The following KCNN3 variants were observed in gnomAD, a reference collection of about 807,000 sequenced individuals.
KCNN3 encodes potassium calcium-activated channel subfamily N member 3.
Under a neutral mutation model 62.9 loss-of-function variants are expected in KCNN3, and 16 were observed. That is an observed-to-expected ratio of 0.25 (90% CI 0.17 to 0.39). KCNN3 has a LOEUF of 0.39. KCNN3 is among the 10% of genes least tolerant of loss of function. The pLI is 1.00. For synonymous variants in KCNN3, 370 were observed against 389.2 expected (o/e 0.95, Z 0.58); for missense variants, 599 against 949.4 (o/e 0.63, Z 4.85).
intron 2 of KCNN3, among the ~76,000 whole-genome samples, chr1:154,773,271 G>A (rs1342532614): frequency 2.6e-5 from 4 of 152,220 alleles, no homozygotes; most frequent in African/African-American, 9.7e-5. Context: ...CGTGCCCAGA[G>A]AGGGCATGGA....
At chr1:154,723,573 G>A (rs1256532721) in intron 5 of KCNN3, among the ~76,000 whole-genome samples, 1 of 152,154 alleles carries the variant, frequency 6.6e-6, no homozygotes, top group Non-Finnish European at 1.5e-5. Context: ...CAAAGGAGCT[G>A]GCTTTCCTCA....
chr1:154,783,486 C>T (rs1469533397), intron 2 of KCNN3, among the ~76,000 whole-genome samples: 1 of 118,382 alleles, frequency 8.4e-6, no homozygotes, highest in Non-Finnish European at 1.8e-5. Flanking sequence ...GTGAACAGGC[C>T]TCTATGGAGA....
chr1:154,733,163 G>A lies in KCNN3; in HGVS notation c.1449-19C>T, dbSNP rs371211331. The A allele has an allele frequency of 1.2e-4, 194 of 1,614,112 alleles. 1 individual carries two copies. In the African/African-American group the frequency reaches 2.3e-3, roughly 19 times the overall value. On this transcript the variant is annotated intron_variant, in intron 3 of 7. Coordinates refer to ENST00000271915, the MANE Select transcript of KCNN3 (RefSeq NM_002249.6). ...ATGGTACCTGCCAATGGGAAGACAGGAGTTAGTCGATGAACAGCCATTCCT... is the reference window on the plus strand; with the variant it reads ...ATGGTACCTGCCAATGGGAAGACAGAAGTTAGTCGATGAACAGCCATTCCT...
At chr1:154,719,374 A>G (rs1450733752) in intron 5 of KCNN3, among the ~76,000 whole-genome samples, 2 of 152,156 alleles carry the variant, frequency 1.3e-5, no homozygotes, top group Non-Finnish European at 2.9e-5. Context: ...AAACAAACCT[A>G]GATGGGACAG....
chr1:154,841,943 G>T (rs1040900762), intron 1 of KCNN3, among the ~76,000 whole-genome samples: 1 of 152,246 alleles, frequency 6.6e-6, no homozygotes, highest in East Asian at 1.9e-4. Flanking sequence ...GGATGGCCAG[G>T]TGTGAAGGAA....
At chr1:154,791,148 G>C (rs147232284) in intron 2 of KCNN3, among the ~76,000 whole-genome samples, 2,140 of 148,472 alleles carry the variant, frequency 0.014, 48 homozygotes, top group African/African-American at 0.051. Flanking sequence ...AGAATCACTT[G>C]AACCTGGGAG....
intron 3 of KCNN3, among the ~76,000 whole-genome samples, chr1:154,763,707 TA>T (rs1648126486): frequency 6.6e-6 from 1 of 152,224 alleles, no homozygotes; most frequent in Non-Finnish European, 1.5e-5. Flanking sequence ...AGTTGTCCTT[TA>T]ATTGGAGTTT....
At chr1:154,865,670 C>A (rs149758147) in intron 1 of KCNN3, among the ~76,000 whole-genome samples, 2 of 152,168 alleles carry the variant, frequency 1.3e-5, no homozygotes, top group African/African-American at 4.8e-5. Context: ...GGGCACATGC[C>A]ACCCTCCTTT....
At chr1:154,793,732 A>G (rs1649613675) in intron 2 of KCNN3, among the ~76,000 whole-genome samples, 1 of 152,248 alleles carries the variant, frequency 6.6e-6, no homozygotes, top group South Asian at 2.1e-4. Context: ...TGGCTGGAGT[A>G]GTTAACTTAG....
intron 2 of KCNN3, among the ~76,000 whole-genome samples, chr1:154,790,321 G>A (rs771625874): frequency 3.3e-5 from 5 of 152,070 alleles, no homozygotes; most frequent in African/African-American, 4.8e-5. Flanking sequence ...AACTTATGAT[G>A]GGTCACGTCC....
chr1:154,838,560 C>T (rs1189048282), intron 1 of KCNN3, among the ~76,000 whole-genome samples: 1 of 152,188 alleles, frequency 6.6e-6, no homozygotes, highest in Non-Finnish European at 1.5e-5. Context: ...TCGTTTCCCT[C>T]AACCTTTCCA....
At chr1:154,843,889 C>T (rs915594756) in intron 1 of KCNN3, among the ~76,000 whole-genome samples, 2 of 152,064 alleles carry the variant, frequency 1.3e-5, no homozygotes, top group Non-Finnish European at 2.9e-5. Flanking sequence ...CATGGAGGGG[C>T]GGCTGTGAGA....
At chr1:154,725,212 T>A (rs1243004503) in intron 5 of KCNN3, among the ~76,000 whole-genome samples, 2 of 152,216 alleles carry the variant, frequency 1.3e-5, no homozygotes, top group Non-Finnish European at 2.9e-5. Context: ...ATTTTCAATA[T>A]ACTTTTATAG....
intron 3 of KCNN3, chr1:154,737,169 C>T (rs1700728639): frequency 2.5e-6 from 1 of 392,372 alleles, no homozygotes; most frequent in Non-Finnish European, 4.9e-6. Flanking sequence ...CACAAACTCA[C>T]ATACTAATCT....
chr1:154,748,464 T>C (rs886774215), intron 3 of KCNN3, among the ~76,000 whole-genome samples: 2 of 152,196 alleles, frequency 1.3e-5, no homozygotes, highest in African/African-American at 4.8e-5. Context: ...TTAGAGATGA[T>C]CTACTTCTCA....
rs183339683 is a variant in KCNN3 at position 154,861,814 on chromosome 1, T to A, written c.933+7218A>T. Among the ~76,000 whole-genome samples, 9 of 152,326 alleles carry A rather than the reference T, an allele frequency of 5.9e-5. No individual in the cohort carries two copies. In the South Asian group the frequency reaches 1.9e-3, roughly 32 times the overall value. ...TGATGAAACATGATCTGGAATCAGA[T>A]TGCGAAGCCTCGGCACAGGAAGGGA... On this transcript the variant is annotated intron_variant, in intron 1 of 7. Transcript: ENST00000271915.
In KCNN3 at chr1:154,700,784, C is replaced by A. The variant is rs1699837275; in HGVS notation, c.*7192G>T. 6.6e-6 allele frequency: 1 copy of A among 151,858 alleles called. No individual in the cohort carries two copies. The highest frequency in any genetic ancestry group is 2.1e-4 in the South Asian group (1 of 4,816). 9.4% of individuals were successfully genotyped at this position (151,858 alleles called of 1,614,324 possible). A position where few individuals can be genotyped will look rare whatever the true frequency, so the allele number is the denominator to read the frequency against. On this transcript the variant is annotated 3_prime_UTR_variant, in exon 8 of 8. Transcript: ENST00000271915. ...CGCCACTGCACTCCAGCCTGGGCGA[C>A]AGAGTGAGACTCCATCTCAAAATAA...
chr1:154,753,948 C>T (rs1647510728), intron 3 of KCNN3, among the ~76,000 whole-genome samples: 1 of 152,142 alleles, frequency 6.6e-6, no homozygotes, highest in Non-Finnish European at 1.5e-5. Context: ...ACAGCTGGTC[C>T]GTTGTCAAGC....
rs74115835 is a variant in KCNN3 at position 154,705,928 on chromosome 1, A to C, written c.*2048T>G. ...TGTTTACACATCTGCTTATATGTTC[A>C]GCTGAACTGTCACTGAAAACAGGAG... On this transcript the variant is annotated 3_prime_UTR_variant, in exon 8 of 8. Coordinates refer to ENST00000271915, the MANE Select transcript of KCNN3 (RefSeq NM_002249.6). 436 of 152,362 alleles carry C rather than the reference A, an allele frequency of 2.9e-3. 4 individuals carry two copies. Among genetic ancestry groups the C allele is most frequent in the Middle Eastern group, 0.01 (3 of 294 alleles). 9.4% of individuals were successfully genotyped at this position (152,362 alleles called of 1,614,324 possible).
Sources: allele counts gnomAD v4.1 joint callset (sites outside exome capture counted in the v4.1 genomes callset), GRCh38; gene constraint gnomAD v4.1.1; transcripts MANE v1.5; gene names NCBI Gene and HGNC (gene_info 2026-07-23, HGNC 2026-07-21).